Variants in TTC28 observed in about 807,000 individuals in gnomAD.
TTC28 encodes tetratricopeptide repeat domain 28.
Under a neutral mutation model 198.0 loss-of-function variants are expected in TTC28, and 61 were observed. The observed-to-expected ratio is 0.31, with a 90% CI of 0.25 to 0.38. The LOEUF is 0.38. Ranked by LOEUF, TTC28 falls within the 10% of genes least tolerant of loss-of-function variation. The pLI is 1.00. For missense variants in TTC28, 2,678 were observed against 3,164.0 expected (o/e 0.85, Z 3.69); for synonymous variants, 1,171 against 1,297.8 (o/e 0.90, Z 2.10).
At chr22:28,235,933 T>G (rs1195630319) in intron 5 of TTC28, among the ~76,000 whole-genome samples, 1 of 152,158 alleles carries the variant, frequency 6.6e-6, no homozygotes, top group Admixed American at 6.5e-5. Flanking sequence ...TTAAGAAACT[T>G]GGGAGGTGGA....
intron 11 of TTC28, among the ~76,000 whole-genome samples, 186 bp downstream of exon 11, chr22:28,096,004 G>A (rs1178401377): frequency 6.6e-6 from 1 of 152,198 alleles, no homozygotes; most frequent in Non-Finnish European, 1.5e-5. Context: ...GGGGAAATGA[G>A]AAAGCTGGGC....
intron 2 of TTC28, among the ~76,000 whole-genome samples, chr22:28,627,071 C>T (rs914598645): frequency 4.6e-5 from 7 of 152,154 alleles, no homozygotes; most frequent in South Asian, 4.1e-4. Flanking sequence ...ATTAAGCTCT[C>T]CATATTTATA....
At chr22:28,031,049 G>C (rs1377553994) in intron 12 of TTC28, among the ~76,000 whole-genome samples, 2 of 152,198 alleles carry the variant, frequency 1.3e-5, no homozygotes, top group Non-Finnish European at 2.9e-5. Context: ...GACTTTAACA[G>C]AACATCCCAC....
chr22:28,645,619 T>A, intron 1 of TTC28, among the ~76,000 whole-genome samples: 1 of 136,440 alleles, frequency 7.3e-6, no homozygotes. Flanking sequence ...AGAGCGAGAC[T>A]ACATCTCAAA....
chr22:28,098,557 T>A (rs1207431946), intron 10 of TTC28, among the ~76,000 whole-genome samples: 1 of 151,538 alleles, frequency 6.6e-6, no homozygotes, highest in Non-Finnish European at 1.5e-5. Context: ...ATTTAAACTT[T>A]TTTTTTTTTT....
chr22:28,255,576 G>T (rs1930842670), intron 5 of TTC28, among the ~76,000 whole-genome samples: 1 of 151,896 alleles, frequency 6.6e-6, no homozygotes, highest in African/African-American at 2.4e-5. Context: ...AGCTACTCAG[G>T]AGGCTGAGGC....
intron 6 of TTC28, among the ~76,000 whole-genome samples, chr22:28,118,679 C>T (rs767390593): frequency 2.8e-4 from 42 of 152,102 alleles, no homozygotes; most frequent in Non-Finnish European, 8.8e-5. Flanking sequence ...CTGATGTTCA[C>T]GCAATGAAGA....
chr22:28,379,764 TTTATG>T (rs1359319150), intron 2 of TTC28, among the ~76,000 whole-genome samples: 2 of 152,130 alleles, frequency 1.3e-5, no homozygotes, highest in African/African-American at 4.8e-5. Context: ...AATGGTAAAT[TTTATG>T]TTATGTGTAT....
At chr22:28,371,509 C>CAAAAAAAAAAAAAAAAAAAA (rs1229801209) in intron 2 of TTC28, among the ~76,000 whole-genome samples, 80 of 6,102 alleles carry the variant, frequency 0.013, 29 homozygotes, top group Admixed American at 0.019. Flanking sequence ...GACCCTGTCT[C>CAAAAAAAAAAAAAAAAAAAA]AAAAAAAAAA....
intron 2 of TTC28, among the ~76,000 whole-genome samples, chr22:28,334,608 G>T (rs965395189): frequency 3.3e-5 from 5 of 152,244 alleles, no homozygotes; most frequent in South Asian, 4.1e-4. Context: ...GCCAGTGATG[G>T]TGAGCATTTT....
rs377105199 is a variant in TTC28, at chr22:28,482,748, C to A, written c.381+146804G>T. Among the ~76,000 whole-genome samples, 19 of 152,252 alleles carry A rather than the reference C, an allele frequency of 1.2e-4. 1 individual carries two copies. In the East Asian group the frequency reaches 3.7e-3, roughly 29 times the overall value. ...TCCTATTCTCCCCTCTCCCTTTGTT[C>A]CTGGAAACCACCAATTCACATTATG... On this transcript the variant is annotated intron_variant, in intron 2 of 22. Coordinates refer to ENST00000397906, the MANE Select transcript of TTC28 (RefSeq NM_001145418.2).
At chr22:28,126,110 A>G (rs1601350350) in intron 6 of TTC28, among the ~76,000 whole-genome samples, 1 of 152,214 alleles carries the variant, frequency 6.6e-6, no homozygotes, top group East Asian at 1.9e-4. Context: ...AGAGGACTAA[A>G]AGAGAATGAA....
At chr22:28,560,753 T>A (rs1406083661) in intron 2 of TTC28, among the ~76,000 whole-genome samples, 1 of 152,030 alleles carries the variant, frequency 6.6e-6, no homozygotes, top group Admixed American at 6.6e-5. Context: ...TTCATTTTCT[T>A]TTTTTTGTTT....
chr22:28,503,163 G>A (rs1175105574), intron 2 of TTC28, among the ~76,000 whole-genome samples: 1 of 151,894 alleles, frequency 6.6e-6, no homozygotes, highest in Non-Finnish European at 1.5e-5. Flanking sequence ...CCCTCAAGCT[G>A]CATACGCCGC....
intron 2 of TTC28, among the ~76,000 whole-genome samples, chr22:28,420,952 G>A (rs1233505268): frequency 6.6e-6 from 1 of 152,142 alleles, no homozygotes; most frequent in Non-Finnish European, 1.5e-5. Context: ...TTGGAAAACT[G>A]ATGTCTTCCC....
chr22:28,268,218 A>G (rs1164501091), intron 5 of TTC28, among the ~76,000 whole-genome samples: 1 of 152,168 alleles, frequency 6.6e-6, no homozygotes, highest in East Asian at 1.9e-4. Flanking sequence ...CTCTCATAAC[A>G]GCATTAGTAC....
intron 2 of TTC28, among the ~76,000 whole-genome samples, chr22:28,412,083 T>C (rs762370872): frequency 6.6e-6 from 1 of 151,992 alleles, no homozygotes; most frequent in Admixed American, 6.5e-5. Flanking sequence ...GCTTATCCCC[T>C]GTTTTAGTTG....
intron 2 of TTC28, among the ~76,000 whole-genome samples, chr22:28,622,819 C>G (rs1000408682): frequency 6.7e-6 from 1 of 150,368 alleles, no homozygotes; most frequent in African/African-American, 2.5e-5. Context: ...TAATATCAGA[C>G]AAAATAGATT....
chr22:28,556,028 T>C (rs768218543), intron 2 of TTC28, among the ~76,000 whole-genome samples: 27 of 152,002 alleles, frequency 1.8e-4, no homozygotes, highest in South Asian at 8.3e-4. Context: ...GAAGGGTTCA[T>C]GGAAAACTCA....
Sources: allele counts gnomAD v4.1 joint callset (sites outside exome capture counted in the v4.1 genomes callset), GRCh38; gene constraint gnomAD v4.1.1; transcripts MANE v1.5; gene names NCBI Gene and HGNC (gene_info 2026-07-23, HGNC 2026-07-21).